Variants in MCTP2 observed in about 807,000 individuals in gnomAD.
MCTP2 encodes multiple C2 and transmembrane domain-containing protein 2.
In MCTP2, 132 loss-of-function variants were observed where a neutral mutation model predicts 111.6. The observed-to-expected ratio is 1.18, with a 90% CI of 1.03 to 1.37. The LOEUF (loss-of-function observed/expected upper bound fraction) is 1.37. Among genes scored for constraint, MCTP2 ranks in the 40% most tolerant of loss-of-function variants. The pLI is 0.00. For synonymous variants in MCTP2, 395 were observed against 387.7 expected, an observed-to-expected ratio of 1.02 and a Z score of -0.22; for missense variants, 1,183 against 1,067.9, an observed-to-expected ratio of 1.11 and a Z score of -1.50.
chr15:94,246,222 T>G (rs1341837958), intron 1 of MCTP2, among the ~76,000 whole-genome samples: 1 of 152,162 alleles, frequency 6.6e-6, no homozygotes, highest in African/African-American at 2.4e-5. Context: ...TGTCAGAGAC[T>G]GAAGGACAGG....
Position 94,470,450 on chromosome 15 carries a change from T to G in MCTP2, c.2470+8T>G. On this transcript the variant is annotated splice_region_variant and intron_variant, in intron 21 of 22. Transcript: ENST00000357742. Reference sequence around the variant, plus strand: ...ACATCATTTTAATCTGGGGTAAGTTTGGAATGGTCCTTTTGCTAGCAATCA... The same window carrying G: ...ACATCATTTTAATCTGGGGTAAGTTGGGAATGGTCCTTTTGCTAGCAATCA... 6.5e-7 allele frequency: 1 copy of G among 1,550,144 alleles called. No homozygotes were observed. The highest frequency in any genetic ancestry group is 8.9e-7 in the Non-Finnish European group (1 of 1,121,558).
intron 20 of MCTP2, among the ~76,000 whole-genome samples, chr15:94,460,617 G>T (rs1028066506): frequency 1.3e-5 from 2 of 152,204 alleles, no homozygotes; most frequent in Non-Finnish European, 2.9e-5. Flanking sequence ...AGTGACTGTT[G>T]TGCCGTTGAT....
At chr15:94,389,060 C>T (rs1020108103) in intron 14 of MCTP2, among the ~76,000 whole-genome samples, 3 of 151,990 alleles carry the variant, frequency 2.0e-5, no homozygotes, top group African/African-American at 7.3e-5. Context: ...CACGTAAGAC[C>T]CAAATAAACA....
chr15:94,274,863 C>T (rs2074104999), intron 1 of MCTP2, among the ~76,000 whole-genome samples: 2 of 151,896 alleles, frequency 1.3e-5, no homozygotes, highest in Admixed American at 1.3e-4. Context: ...TGGTTTCTAC[C>T]AAAACATCAC....
At chr15:94,300,429 G>T (rs2075550596) in intron 2 of MCTP2, among the ~76,000 whole-genome samples, 1 of 149,758 alleles carries the variant, frequency 6.7e-6, no homozygotes, top group South Asian at 2.1e-4. Context: ...AGAATGGCAT[G>T]AACGCGGGAG....
chr15:94,367,798 GT>G lies in MCTP2; in HGVS notation c.1488+12del, dbSNP rs747654580. On this transcript the variant is annotated splice_region_variant and intron_variant, in intron 11 of 22. Transcript: ENST00000357742. ...GCAGATTACCCAGCGATATGTGAGT[GT>G]TTTTCCTTATTGTACACTCCCCCTC... The G allele has an allele frequency of 1.3e-6, 2 of 1,593,144 alleles. No homozygotes were observed. The highest frequency in any genetic ancestry group is 1.1e-5 in the South Asian group (1 of 87,772).
intron 20 of MCTP2, among the ~76,000 whole-genome samples, chr15:94,468,026 A>G (rs2073546893): frequency 6.6e-6 from 1 of 151,712 alleles, no homozygotes; most frequent in African/African-American, 2.4e-5. Flanking sequence ...TTGACAAGGA[A>G]AAACTGATAA....
At chr15:94,471,297 C>G (rs1404358971) in intron 21 of MCTP2, among the ~76,000 whole-genome samples, 1 of 152,184 alleles carries the variant, frequency 6.6e-6, no homozygotes, top group Non-Finnish European at 1.5e-5. Context: ...CAGGGATCTT[C>G]AGATGTTAAG....
At chr15:94,309,921 T>A (rs114852921) in intron 2 of MCTP2, among the ~76,000 whole-genome samples, 5 of 152,228 alleles carry the variant, frequency 3.3e-5, no homozygotes, top group Non-Finnish European at 7.3e-5. Flanking sequence ...AATCTCATAA[T>A]AGTGCTCATT....
At chr15:94,245,355 T>G (rs932915599) in intron 1 of MCTP2, among the ~76,000 whole-genome samples, 1 of 112,820 alleles carries the variant, frequency 8.9e-6, no homozygotes, top group South Asian at 3.3e-4. Flanking sequence ...TACATACATA[T>G]GTATATATAT....
Position 94,430,393 on chromosome 15 carries a change from TCACACACACACACACACA to T in MCTP2, c.2086-9749_2086-9732del, listed in dbSNP as rs35129445. ...ACAAACAAAAAAAACCCAAAAACAA[TCACACACACACACACACA>T]CACACACACACACACACACACACAC... On this transcript the variant is annotated intron_variant, in intron 17 of 22. Coordinates refer to ENST00000357742, the MANE Select transcript of MCTP2 (RefSeq NM_001385001.1). Among the ~76,000 whole-genome samples, 132 of 107,198 alleles carry T rather than the reference TCACACACACACACACACA, an allele frequency of 1.2e-3. No homozygotes were observed. In the Middle Eastern group the frequency reaches 0.014, roughly 11 times the overall value. 70.3% of individuals were successfully genotyped at this position (107,198 alleles called of 152,430 possible). A position where few individuals can be genotyped will look rare whatever the true frequency, so the allele number is the denominator to read the frequency against.
chr15:94,285,529 AT>A (rs1310172876), intron 1 of MCTP2, among the ~76,000 whole-genome samples: 1 of 152,088 alleles, frequency 6.6e-6, no homozygotes, highest in Non-Finnish European at 1.5e-5. Context: ...TTTTTGTTGA[AT>A]GGTACATTAA....
chr15:94,407,850 G>A (rs1356890444), intron 17 of MCTP2, among the ~76,000 whole-genome samples: 1 of 151,384 alleles, frequency 6.6e-6, no homozygotes, highest in Admixed American at 6.6e-5. Context: ...GGACATTTGG[G>A]AAATTAAAAG....
chr15:94,464,257 T>TATATATATATATATTATA lies in MCTP2; in HGVS notation c.2360+6011_2360+6012insATATATATATATATTATA, dbSNP rs4001978. Among the ~76,000 whole-genome samples, 5 of 44,968 alleles carry TATATATATATATATTATA rather than the reference T, an allele frequency of 1.1e-4. No homozygotes were observed. The Admixed American group carries it at 1.3e-3, about 12-fold the overall frequency. 29.5% of individuals were successfully genotyped at this position (44,968 alleles called of 152,430 possible). A position where few individuals can be genotyped will look rare whatever the true frequency, so the allele number is the denominator to read the frequency against. On this transcript the variant is annotated intron_variant, in intron 20 of 22. Transcript: ENST00000357742. ...TATATATAATATATATATATATATA[T>TATATATATATATATTATA]TATATATATATATATATATATAAAC...
chr15:94,398,915 A>C, intron 14 of MCTP2, 46 bp from the exon 15 acceptor site: 1 of 1,173,570 alleles, frequency 8.5e-7, no homozygotes, highest in Non-Finnish European at 1.3e-6. Flanking sequence ...TTTAAACCAC[A>C]TAGTAATTTT....
chr15:94,393,953 G>A (rs947621919), intron 14 of MCTP2, among the ~76,000 whole-genome samples: 3 of 150,824 alleles, frequency 2.0e-5, no homozygotes, highest in Non-Finnish European at 4.4e-5. Flanking sequence ...AGGAGGCTGA[G>A]GCAGGACAAT....
chr15:94,298,106 G>A (rs1041915601), intron 1 of MCTP2, 95 bp from the exon 2 acceptor site: 5 of 498,484 alleles, frequency 1.0e-5, no homozygotes, highest in African/African-American at 6.0e-5. Flanking sequence ...TTTTTGAGTC[G>A]TGTTTCTCAC....
Position 94,361,778 on chromosome 15 carries a change from G to A in MCTP2, c.1301+3166G>A, listed in dbSNP as rs560412128. Among the ~76,000 whole-genome samples, 8 of 152,244 alleles carry A rather than the reference G, an allele frequency of 5.3e-5. No individual in the cohort carries two copies. In the East Asian group the frequency reaches 1.5e-3, roughly 29 times the overall value. On this transcript the variant is annotated intron_variant, in intron 10 of 22. Transcript: ENST00000357742. ...CCATCGTCAAGGACATGGTAGGAGG[G>A]GCATCCATTGATGGAAGGATTGGGC...
chr15:94,293,266 A>G (rs1188944944), intron 1 of MCTP2, among the ~76,000 whole-genome samples: 1 of 152,210 alleles, frequency 6.6e-6, no homozygotes, highest in African/African-American at 2.4e-5. Context: ...AAGAATGAGA[A>G]GACAAGCTAC....
Sources: allele counts gnomAD v4.1 joint callset (sites outside exome capture counted in the v4.1 genomes callset), GRCh38; gene constraint gnomAD v4.1.1; transcripts MANE v1.5; gene names NCBI Gene and HGNC (gene_info 2026-07-23, HGNC 2026-07-21).